The following CLASP2 variants were observed in gnomAD, a reference collection of about 807,000 sequenced individuals.
CLASP2 encodes the protein CLIP-associating protein 2.
CLASP2 carries 47 observed loss-of-function variants against 194.4 expected under a neutral mutation model. That is an observed-to-expected ratio of 0.24 (90% CI 0.19 to 0.31). CLASP2 has a LOEUF of 0.31. Ranked by LOEUF, CLASP2 falls within the 10% of genes least tolerant of loss-of-function variation. CLASP2 has a pLI of 1.00. For missense variants in CLASP2, 1,445 were observed against 1,823.6 expected, an observed-to-expected ratio of 0.79 and a Z score of 3.78; for synonymous variants, 619 against 633.5, an observed-to-expected ratio of 0.98 and a Z score of 0.34.
intron 1 of CLASP2, among the ~76,000 whole-genome samples, chr3:33,708,260 T>C (rs1016222021): frequency 4.6e-5 from 7 of 151,708 alleles, no homozygotes; most frequent in African/African-American, 1.7e-4. Context: ...CTATATTCTA[T>C]TCTGTTACTA....
chr3:33,603,237 G>A, intron 17 of CLASP2, 112 bp from the exon 18 acceptor site: 6 of 1,179,754 alleles, frequency 5.1e-6, no homozygotes, highest in Non-Finnish European at 7.0e-6. Flanking sequence ...CAACAAAAAG[G>A]CTGTGGCCAA....
chr3:33,582,605 A>C (rs923475437), intron 22 of CLASP2, among the ~76,000 whole-genome samples: 1 of 152,140 alleles, frequency 6.6e-6, no homozygotes, highest in Non-Finnish European at 1.5e-5. Flanking sequence ...GCCGCAGTGA[A>C]CTATGATCAT....
intron 23 of CLASP2, among the ~76,000 whole-genome samples, chr3:33,581,477 A>G (rs916829559): frequency 4.6e-5 from 7 of 152,256 alleles, no homozygotes; most frequent in Admixed American, 2.0e-4. Context: ...TTATCAAACT[A>G]GTCCGCATTT....
At chr3:33,535,892 A>C (rs111710612) in intron 33 of CLASP2, among the ~76,000 whole-genome samples, 1,783 of 152,180 alleles carry the variant, frequency 0.012, 10 homozygotes, top group South Asian at 0.028. Flanking sequence ...AAGCATAATA[A>C]AATCAAATTT....
intron 35 of CLASP2, among the ~76,000 whole-genome samples, 161 bp from the exon 36 acceptor site, chr3:33,516,312 T>G (rs2051299523): frequency 6.6e-6 from 1 of 152,192 alleles, no homozygotes; most frequent in South Asian, 2.1e-4. Flanking sequence ...TATCTCTAAT[T>G]GAAAATTTAT....
intron 6 of CLASP2, among the ~76,000 whole-genome samples, chr3:33,665,602 A>G (rs1233652754): frequency 6.6e-6 from 1 of 152,164 alleles, no homozygotes; most frequent in Non-Finnish European, 1.5e-5. Flanking sequence ...ACTTTCAAGT[A>G]AAATTAACAT....
At chr3:33,588,108 C>G (rs1169236778) in intron 21 of CLASP2, among the ~76,000 whole-genome samples, 7 of 152,004 alleles carry the variant, frequency 4.6e-5, no homozygotes, top group African/African-American at 1.4e-4. Flanking sequence ...CTGCCCTATC[C>G]TAGGAAATAA....
intron 34 of CLASP2, among the ~76,000 whole-genome samples, chr3:33,517,747 C>T (rs1014511859): frequency 6.6e-6 from 1 of 152,054 alleles, no homozygotes; most frequent in Admixed American, 6.6e-5. Flanking sequence ...TTGCAGTCTC[C>T]ACCTCCCAGG....
chr3:33,616,302 T>C (rs2076148538), intron 12 of CLASP2, among the ~76,000 whole-genome samples: 1 of 152,068 alleles, frequency 6.6e-6, no homozygotes, highest in Non-Finnish European at 1.5e-5. Context: ...ACAATGGAAA[T>C]GTTATTATAT....
chr3:33,529,984 CAAAAA>C (rs1169927619), intron 34 of CLASP2, among the ~76,000 whole-genome samples: 1 of 32,242 alleles, frequency 3.1e-5, no homozygotes, highest in Non-Finnish European at 5.9e-5. Flanking sequence ...GACTCCGTCT[CAAAAA>C]AAAAAAAAAA....
At chr3:33,603,365 A>G (rs1186501283) in intron 17 of CLASP2, among the ~76,000 whole-genome samples, 1 of 152,198 alleles carries the variant, frequency 6.6e-6, no homozygotes, top group Non-Finnish European at 1.5e-5. Context: ...AAATGGGAAA[A>G]ATGGTGACAT....
At chr3:33,708,524 GTA>G (rs1313224061) in intron 1 of CLASP2, among the ~76,000 whole-genome samples, 37 of 100,150 alleles carry the variant, frequency 3.7e-4, no homozygotes, top group African/African-American at 5.5e-4. Context: ...ATGTATATAT[GTA>G]TATATATATG....
intron 22 of CLASP2, among the ~76,000 whole-genome samples, chr3:33,583,266 A>G (rs2066567255): frequency 6.6e-6 from 1 of 152,248 alleles, no homozygotes; most frequent in African/African-American, 2.4e-5. Flanking sequence ...AGAAGTGCAC[A>G]CTATTCTTAG....
intron 25 of CLASP2, among the ~76,000 whole-genome samples, chr3:33,571,145 C>T (rs2063682586): frequency 1.3e-5 from 2 of 151,490 alleles, no homozygotes; most frequent in South Asian, 4.2e-4. Context: ...TCCCGAGTAG[C>T]TGGGAGTACA....
chr3:33,651,029 T>C (rs1466854532), intron 7 of CLASP2, among the ~76,000 whole-genome samples: 1 of 152,192 alleles, frequency 6.6e-6, no homozygotes, highest in African/African-American at 2.4e-5. Context: ...CAAAACATGA[T>C]GTGAACTGAT....
chr3:33,531,500 G>A (rs1480983587), intron 34 of CLASP2, among the ~76,000 whole-genome samples: 1 of 152,220 alleles, frequency 6.6e-6, no homozygotes, highest in Non-Finnish European at 1.5e-5. Flanking sequence ...TGACGGCCAG[G>A]TGCAACGGCT....
intron 6 of CLASP2, among the ~76,000 whole-genome samples, chr3:33,666,640 T>C (rs2086225771): frequency 6.6e-6 from 1 of 152,236 alleles, no homozygotes; most frequent in Admixed American, 6.5e-5. Context: ...GTCTCTATTT[T>C]TTGGCTATTA....
chr3:33,571,015 A>ATTTTT lies in CLASP2; in HGVS notation c.2700-230_2700-226dup, dbSNP rs1027731514. ...AGATGGCAAGATCCTGTCTCTATAA[A>ATTTTT]TTTTTTTTTTTTTTTTTTGAGACGG... On this transcript the variant is annotated intron_variant, in intron 25 of 38. Transcript: ENST00000682230. 2.3e-4 allele frequency among the ~76,000 whole-genome samples: 28 copies of ATTTTT among 123,942 alleles called. 1 individual carries two copies. The highest frequency in any genetic ancestry group is 9.3e-5 in the Admixed American group (1 of 10,782). The allele number at this position is 123,942 out of a possible 152,430, so 81.3% of individuals were successfully genotyped here. A position where few individuals can be genotyped will look rare whatever the true frequency, so the allele number is the denominator to read the frequency against.
chr3:33,597,697 C>T (rs978885193), intron 18 of CLASP2, among the ~76,000 whole-genome samples: 1 of 151,772 alleles, frequency 6.6e-6, no homozygotes, highest in Non-Finnish European at 1.5e-5. Flanking sequence ...CTTAAGCTAG[C>T]TTCCTTGGGC....
Sources: gnomAD v4.1 joint callset for allele counts (sites outside exome capture counted in the v4.1 genomes callset) on GRCh38, gnomAD v4.1.1 for gene constraint, MANE v1.5 for transcripts, NCBI Gene and HGNC (gene_info 2026-07-23, HGNC 2026-07-21) for gene names.